The following PTBP2 variants were observed in gnomAD, a reference collection of about 807,000 sequenced individuals.
PTBP2 encodes polypyrimidine tract-binding protein 2.
PTBP2 carries 13 observed loss-of-function variants against 61.4 expected under a neutral mutation model. The observed-to-expected ratio is 0.21, with a 90% CI of 0.14 to 0.34. PTBP2 has a LOEUF of 0.34. Among genes scored for constraint, PTBP2 ranks in the 10% least tolerant of loss-of-function variants. The pLI is 1.00. For synonymous variants in PTBP2, 215 were observed against 218.5 expected (o/e 0.98, Z 0.14); for missense variants, 405 against 642.6 (o/e 0.63, Z 4.00).
At chr1:96,792,901 A>G (rs1006426276) in intron 8 of PTBP2, among the ~76,000 whole-genome samples, 2 of 152,220 alleles carry the variant, frequency 1.3e-5, no homozygotes, top group Admixed American at 6.5e-5. Context: ...CTGCAGACAT[A>G]TTTGAAAGCT....
chr1:96,801,266 CAT>C (rs76383367), intron 8 of PTBP2, among the ~76,000 whole-genome samples: 15,914 of 152,020 alleles, frequency 0.1, 977 homozygotes, highest in Non-Finnish European at 0.14. Context: ...TTTTAAAAAA[CAT>C]GTGTCATATA....
intron 2 of PTBP2, among the ~76,000 whole-genome samples, chr1:96,724,566 G>A (rs1299422919): frequency 6.6e-6 from 1 of 151,896 alleles, no homozygotes; most frequent in Non-Finnish European, 1.5e-5. Context: ...TGCCCGGCCT[G>A]TATTGTCATT....
In PTBP2 at chr1:96,798,842, A is replaced by G. The variant is rs532412634; in HGVS notation, c.905-5958A>G. The stretch of plus-strand genomic sequence containing the variant: ...TTCCAGGTTATATAAGAACTCTGTA[A>G]TGTCTTAAATTTGTTTGTAAATCTA... On this transcript the variant is annotated intron_variant, in intron 8 of 13. Transcript: ENST00000674951. Among the ~76,000 whole-genome samples, 89 of 152,224 alleles carry G rather than the reference A, an allele frequency of 5.8e-4. 1 individual carries two copies. The highest frequency in any genetic ancestry group is 1.2e-3 in the Non-Finnish European group (79 of 68,036).
chr1:96,818,189 CTA>C (rs1481047359), downstream of PTBP2: 27 of 152,154 alleles, frequency 1.8e-4, no homozygotes, highest in South Asian at 6.2e-4. Flanking sequence ...GACAGAAAGA[CTA>C]TGTGGCATCT....
At chr1:96,743,131 G>T (rs532856746) in intron 2 of PTBP2, among the ~76,000 whole-genome samples, 8 of 151,722 alleles carry the variant, frequency 5.3e-5, no homozygotes, top group African/African-American at 1.9e-4. Flanking sequence ...CTAAAAATAC[G>T]AAAAAATTAG....
At chr1:96,749,714 T>C (rs1262271944) in intron 2 of PTBP2, 1 of 453,412 alleles carries the variant, frequency 2.2e-6, no homozygotes, top group Non-Finnish European at 4.4e-6. Flanking sequence ...TCAATAAATA[T>C]GTGGGGACAT....
Position 96,739,288 on chromosome 1 carries a change from T to G in PTBP2, c.40-12137T>G, listed in dbSNP as rs550802545. On this transcript the variant is annotated intron_variant, in intron 2 of 13. Transcript: ENST00000674951. ...TTAAAAAACGTTGCATAACTTGATA[T>G]AAATCTTTTTAATTGTACAAAAAAA... Among the ~76,000 whole-genome samples the G allele has an allele frequency of 2.0e-5, 3 of 152,334 alleles. No individual in the cohort carries two copies. The East Asian group carries it at 5.8e-4, about 29-fold the overall frequency.
intron 7 of PTBP2, among the ~76,000 whole-genome samples, chr1:96,778,609 G>A (rs2101046751): frequency 6.6e-6 from 1 of 151,844 alleles, no homozygotes; most frequent in East Asian, 1.9e-4. Context: ...TTAACTTTTT[G>A]TGCCATAGTA....
chr1:96,791,826 CTTTTTTTTTTT>C (rs1163642886), intron 8 of PTBP2, among the ~76,000 whole-genome samples: 2 of 66,128 alleles, frequency 3.0e-5, no homozygotes, highest in Non-Finnish European at 5.2e-5. Flanking sequence ...TGGAGTTGTG[CTTTTTTTTTTT>C]TTTTTTTTTT....
intron 2 of PTBP2, among the ~76,000 whole-genome samples, chr1:96,726,829 C>T (rs11165705): frequency 0.2 from 30,979 of 151,956 alleles, 3,354 homozygotes; most frequent in African/African-American, 0.27. Flanking sequence ...ATCATCCGCC[C>T]GCCTTGACTT....
downstream of PTBP2, chr1:96,817,792 G>C (rs1662539601): frequency 6.6e-6 from 1 of 151,980 alleles, no homozygotes; most frequent in Non-Finnish European, 1.5e-5. Flanking sequence ...AGAGGAATTT[G>C]TCCTATATTC....
intron 4 of PTBP2, 36 bp from the exon 5 acceptor site, chr1:96,770,672 T>C: frequency 6.5e-7 from 1 of 1,544,446 alleles, no homozygotes; most frequent in Non-Finnish European, 8.9e-7. Context: ...TTATTTGAAT[T>C]TATAGTATTA....
At chr1:96,793,770 A>G (rs940935856) in intron 8 of PTBP2, among the ~76,000 whole-genome samples, 1 of 152,164 alleles carries the variant, frequency 6.6e-6, no homozygotes, top group Non-Finnish European at 1.5e-5. Context: ...TCTTAATTCC[A>G]TTATAAATAA....
rs569220029 is a variant in PTBP2, at chr1:96,812,015, A to G, written c.1172-697A>G. The stretch of plus-strand genomic sequence containing the variant: ...GAGCTTCCCAAATCTGAAATGTTCC[A>G]ATGAGCATTTCCCTTGAGCATCATG... On this transcript the variant is annotated intron_variant, in intron 11 of 13. Transcript: ENST00000674951. 4.6e-5 allele frequency among the ~76,000 whole-genome samples: 7 copies of G among 152,302 alleles called. No homozygotes were observed. In the South Asian group the frequency reaches 1.4e-3, roughly 32 times the overall value.
chr1:96,802,167 C>T (rs1180396383), intron 8 of PTBP2, among the ~76,000 whole-genome samples: 3 of 145,792 alleles, frequency 2.1e-5, no homozygotes, highest in African/African-American at 7.7e-5. Flanking sequence ...GCCGAGATCA[C>T]GCCACTGCAC....
intron 11 of PTBP2, among the ~76,000 whole-genome samples, chr1:96,810,171 TA>T (rs1661926496): frequency 6.6e-6 from 1 of 152,186 alleles, no homozygotes; most frequent in African/African-American, 2.4e-5. Flanking sequence ...AAGGGAAATG[TA>T]AAAAATTACA....
chr1:96,779,991 A>G (rs970211700), intron 7 of PTBP2, among the ~76,000 whole-genome samples: 1 of 152,038 alleles, frequency 6.6e-6, no homozygotes, highest in Admixed American at 6.6e-5. Flanking sequence ...GTTTTTCACA[A>G]TGCCTATGTC....
Position 96,785,204 on chromosome 1 carries a change from C to T in PTBP2, c.854C>T (p.Ala285Val). The T allele has an allele frequency of 1.2e-6, 2 of 1,607,544 alleles. No homozygotes were observed. The highest frequency in any genetic ancestry group is 1.7e-5 in the Admixed American group (1 of 58,658). The change falls in exon 8 of 14, where the codon GCA becomes GTA. Residue 285 changes from alanine (A) to valine (V), a missense_variant. Ala to Val is a moderately conservative substitution (Grantham distance 64). Coordinates refer to ENST00000674951, the MANE Select transcript of PTBP2 (RefSeq NM_021190.4). Reference sequence around the variant, plus strand: ...CTTCCATCTGGGGATGGACAACCTGCATTGGACCCAGCTATTGCTGCAGCA... The same window carrying T: ...CTTCCATCTGGGGATGGACAACCTGTATTGGACCCAGCTATTGCTGCAGCA... The part of the protein sequence containing the change: ...PDLPSGDGQP[A>V]LDPAIAAAFA...
intron 3 of PTBP2, among the ~76,000 whole-genome samples, chr1:96,765,896 A>G (rs1189661127): frequency 6.6e-6 from 1 of 152,212 alleles, no homozygotes; most frequent in African/African-American, 2.4e-5. Flanking sequence ...TCGGGAAATT[A>G]GAAAAGTAGA....
Sources: gnomAD v4.1 joint callset for allele counts (sites outside exome capture counted in the v4.1 genomes callset) on GRCh38, gnomAD v4.1.1 for gene constraint, MANE v1.5 for transcripts, NCBI Gene and HGNC (gene_info 2026-07-23, HGNC 2026-07-21) for gene names.